CYRIB: variants seen among roughly 807,000 people sequenced by gnomAD.
The protein encoded by CYRIB is CYFIP-related Rac1 interactor B.
Under a neutral mutation model 44.2 loss-of-function variants are expected in CYRIB, and 8 were observed. That is an observed-to-expected ratio of 0.18 (90% CI 0.11 to 0.33). The LOEUF (loss-of-function observed/expected upper bound fraction) is 0.33, where lower values mean the gene tolerates loss of function less well. Among genes scored for constraint, CYRIB ranks in the 10% least tolerant of loss-of-function variants. The pLI is 1.00. For missense variants in CYRIB, 185 were observed against 382.8 expected (o/e 0.48, Z 4.31); for synonymous variants, 131 against 127.2 (o/e 1.03, Z -0.20).
Position 129,925,227 on chromosome 8 carries a change from G to A in CYRIB, c.-50+14381C>T, listed in dbSNP as rs577150363. Among the ~76,000 whole-genome samples, 89 of 152,022 alleles carry A rather than the reference G, an allele frequency of 5.9e-4. 1 individual carries two copies. The Middle Eastern group carries it at 0.017, about 29-fold the overall frequency. On this transcript the variant is annotated intron_variant, in intron 1 of 11. Coordinates refer to ENST00000519824, the Ensembl canonical transcript of CYRIB. ...AGCCTGGCCAACATGGTGAAACCCCGCCTCTACTAAAAATACAAAAATTAG... is the reference window on the plus strand; with the variant it reads ...AGCCTGGCCAACATGGTGAAACCCCACCTCTACTAAAAATACAAAAATTAG...
intron 4 of CYRIB, among the ~76,000 whole-genome samples, chr8:129,865,936 T>C (rs2053283100): frequency 6.6e-6 from 1 of 152,250 alleles, no homozygotes; most frequent in South Asian, 2.1e-4. Flanking sequence ...TTGTGACCAT[T>C]ATGAATCCCT....
chr8:129,983,004 G>C (rs374703115), intron 1 of CYRIB, among the ~76,000 whole-genome samples: 10 of 125,792 alleles, frequency 7.9e-5, no homozygotes, highest in African/African-American at 3.6e-4. Flanking sequence ...CCTTAGTAGA[G>C]CTGTTAAAAA....
chr8:129,840,555 G>T (rs1586684438), exon 12 of CYRIB: 1 of 152,270 alleles, frequency 6.6e-6, no homozygotes, highest in Middle Eastern at 3.4e-3. Flanking sequence ...ATTCTTAGAA[G>T]ATGCCTAGAA....
exon 2 of CYRIB, chr8:129,970,945 A>C (rs1263097468): frequency 6.6e-6 from 1 of 152,182 alleles, no homozygotes; most frequent in Non-Finnish European, 1.5e-5. Flanking sequence ...TTACTTACCA[A>C]CTGGGTAACC....
chr8:129,883,983 C>A (rs1200137748), intron 2 of CYRIB, among the ~76,000 whole-genome samples: 1 of 152,140 alleles, frequency 6.6e-6, no homozygotes, highest in African/African-American at 2.4e-5. Flanking sequence ...GAGGCGTGGG[C>A]GGATGTGGCA....
At chr8:129,867,746 T>C (rs901035121) in intron 4 of CYRIB, among the ~76,000 whole-genome samples, 1 of 152,210 alleles carries the variant, frequency 6.6e-6, no homozygotes, top group Non-Finnish European at 1.5e-5. Flanking sequence ...ACGCTGTGAA[T>C]TGCTTCCACA....
chr8:129,993,768 G>A (rs921995981), intron 1 of CYRIB, among the ~76,000 whole-genome samples: 1 of 151,696 alleles, frequency 6.6e-6, no homozygotes. Context: ...AGGCTGAGGT[G>A]GGAGAAGCAC....
intron 9 of CYRIB, 67 bp from the exon 12 acceptor site, chr8:129,849,436 A>AC: frequency 2.1e-6 from 3 of 1,457,730 alleles, no homozygotes; most frequent in Non-Finnish European, 2.8e-6. Context: ...ACACACACAC[A>AC]CAAGAAAAAC....
chr8:129,929,009 A>T (rs1373793010), intron 1 of CYRIB, among the ~76,000 whole-genome samples: 1 of 152,218 alleles, frequency 6.6e-6, no homozygotes, highest in Non-Finnish European at 1.5e-5. Context: ...CATTATTTAT[A>T]ACAGCCAAAA....
intron 2 of CYRIB, among the ~76,000 whole-genome samples, chr8:129,884,939 G>A (rs1290125425): frequency 3.3e-5 from 5 of 152,150 alleles, no homozygotes; most frequent in Middle Eastern, 3.2e-3. Context: ...CTTCCTGGCC[G>A]GTAGTCTGTG....
intron 1 of CYRIB, among the ~76,000 whole-genome samples, chr8:130,015,261 G>C (rs1420557868): frequency 6.6e-6 from 1 of 152,154 alleles, no homozygotes; most frequent in African/African-American, 2.4e-5. Context: ...ATTATCTATG[G>C]GGTGCTTCCC....
chr8:129,958,104 C>T (rs966096761), intron 2 of CYRIB, among the ~76,000 whole-genome samples: 3 of 152,078 alleles, frequency 2.0e-5, no homozygotes, highest in Non-Finnish European at 2.9e-5. Flanking sequence ...TTGTAGTGAG[C>T]CAAGATCGTG....
intron 1 of CYRIB, among the ~76,000 whole-genome samples, chr8:129,930,365 T>TTATATATATATATA (rs1554659983): frequency 0.014 from 705 of 50,414 alleles, 130 homozygotes; most frequent in African/African-American, 0.036. Flanking sequence ...TGTGAAGTGC[T>TTATATATATATATA]TATATATATA....
chr8:129,961,298 C>T lies in CYRIB; in HGVS notation c.-243+9645G>A, dbSNP rs186536059. 3.9e-5 allele frequency among the ~76,000 whole-genome samples: 6 copies of T among 152,256 alleles called. No homozygotes were observed. The East Asian group carries it at 9.6e-4, about 24-fold the overall frequency. The stretch of plus-strand genomic sequence containing the variant: ...TGGGTTCTGCTCTGGGGTTCAGAAA[C>T]GGGAGTCATCATATGGACAGAGTGG... On this transcript the variant is annotated intron_variant, in intron 2 of 14. Coordinates refer to the CYRIB transcript ENST00000401979.
intron 2 of CYRIB, among the ~76,000 whole-genome samples, chr8:129,953,651 G>A (rs1360564415): frequency 1.3e-5 from 2 of 152,192 alleles, no homozygotes; most frequent in Non-Finnish European, 2.9e-5. Flanking sequence ...CTGGCACAAG[G>A]CGGGCACTCA....
At chr8:129,945,582 A>G (rs2094080254) in intron 2 of CYRIB, among the ~76,000 whole-genome samples, 1 of 151,624 alleles carries the variant, frequency 6.6e-6, no homozygotes, top group African/African-American at 2.4e-5. Flanking sequence ...TTATTTATCT[A>G]TTTGAGACAG....
At chr8:129,890,475 C>T (rs1003318928) in intron 2 of CYRIB, 7 of 152,200 alleles carry the variant, frequency 4.6e-5, no homozygotes, top group African/African-American at 1.7e-4. Flanking sequence ...GGTATATACA[C>T]TGTTTTTTAG....
chr8:129,981,688 A>G (rs2096244947), intron 1 of CYRIB, among the ~76,000 whole-genome samples: 1 of 152,182 alleles, frequency 6.6e-6, no homozygotes, highest in Non-Finnish European at 1.5e-5. Context: ...GAGGGAATCT[A>G]AAGTCTGCAA....
intron 1 of CYRIB, among the ~76,000 whole-genome samples, chr8:129,974,042 C>T (rs2132314675): frequency 6.6e-6 from 1 of 152,220 alleles, no homozygotes; most frequent in Middle Eastern, 3.4e-3. Flanking sequence ...ACTGATTCCC[C>T]TCCCTGAAAA....
Sources: allele counts gnomAD v4.1 joint callset (sites outside exome capture counted in the v4.1 genomes callset), GRCh38; gene constraint gnomAD v4.1.1; transcripts MANE v1.5; gene names NCBI Gene and HGNC (gene_info 2026-07-23, HGNC 2026-07-21).